Variants in CLTC observed in about 807,000 individuals in gnomAD.
CLTC encodes clathrin heavy chain 1.
A neutral mutation model predicts 195.8 loss-of-function variants in CLTC; 16 were observed. That is an observed-to-expected ratio of 0.08 (90% CI 0.06 to 0.12). The LOEUF (loss-of-function observed/expected upper bound fraction) is 0.12. Ranked by LOEUF, CLTC falls within the 10% of genes least tolerant of loss-of-function variation. The pLI is 1.00. For missense variants in CLTC, 796 were observed against 2,027.0 expected (o/e 0.39, Z 11.66); for synonymous variants, 667 against 689.4 (o/e 0.97, Z 0.51).
chr17:59,663,699 C>T (rs2032662125), intron 8 of CLTC, 143 bp from the exon 9 acceptor site: 1 of 621,352 alleles, frequency 1.6e-6, no homozygotes. Context: ...AGTCTACCAA[C>T]CACAACCCCT....
intron 1 of CLTC, among the ~76,000 whole-genome samples, chr17:59,633,587 A>G (rs975174806): frequency 7.2e-5 from 11 of 152,236 alleles, no homozygotes; most frequent in Admixed American, 3.9e-4. Context: ...AGTATGCCTT[A>G]AATGATTGAT....
Position 59,664,563 on chromosome 17 carries a change from A to AAAAAAG in CLTC, c.1522-220_1522-219insAGAAAA, listed in dbSNP as rs1555605158. 3 of 289,886 alleles carry AAAAAAG rather than the reference A, an allele frequency of 1.0e-5. No homozygotes were observed. In the African/African-American group the frequency reaches 1.2e-4, roughly 12 times the overall value. The allele number at this position is 289,886 out of a possible 1,614,324, so 18.0% of individuals were successfully genotyped here. ...AAGACCCTGTCTCAAAAAAAAAAAA[A>AAAAAAG]AAAAGAAAAGAAAAGAAAAGAAAAT... On this transcript the variant is annotated intron_variant, in intron 9 of 31. Transcript: ENST00000269122.
rs575660982 is a variant in CLTC at position 59,674,594 on chromosome 17, A to G, written c.2419-107A>G. ...ATTACTGAATTTAAAAACTGAACTT[A>G]AAGAAAAAAAAACTGAGCTTAAAAG... On this transcript the variant is annotated intron_variant, in intron 15 of 31. Coordinates refer to ENST00000269122, the MANE Select transcript of CLTC (RefSeq NM_004859.4). The G allele has an allele frequency of 2.2e-5, 23 of 1,061,086 alleles. No homozygotes were observed. The South Asian group carries it at 2.2e-4, about 10-fold the overall frequency. The allele number at this position is 1,061,086 out of a possible 1,614,324, so 65.7% of individuals were successfully genotyped here.
intron 5 of CLTC, among the ~76,000 whole-genome samples, chr17:59,654,151 A>G (rs1170689769): frequency 6.6e-6 from 1 of 151,424 alleles, no homozygotes; most frequent in Non-Finnish European, 1.5e-5. Context: ...GACACATACC[A>G]CTGCACCTGG....
In CLTC at chr17:59,683,542, TACTTTCTTCA is replaced by T; in HGVS notation, c.4191+7_4191+16del. On this transcript the variant is annotated splice_region_variant and intron_variant, in intron 26 of 31. Transcript: ENST00000269122. This position sits in a 1 kb window ranked among gnomAD's most constrained non-coding sequence, Gnocchi z 6.1. Reference sequence around the variant, plus strand: ...TCAAAGATATCATTACCAAGGTGTGTACTTTCTTCAGAAGATAAAGGATTCAGAAGGAGAA... The same window carrying T: ...TCAAAGATATCATTACCAAGGTGTGTGAAGATAAAGGATTCAGAAGGAGAA... 6.2e-7 allele frequency: 1 copy of T among 1,613,602 alleles called. No homozygotes were observed. Among genetic ancestry groups the T allele is most frequent in the Non-Finnish European group, 8.5e-7 (1 of 1,179,772 alleles).
rs763711587 is a variant in CLTC, at chr17:59,681,313, T to C, written c.3084T>C (p.Leu1028=). The C allele has an allele frequency of 3.1e-6, 5 of 1,612,468 alleles. No individual in the cohort carries two copies. The highest frequency in any genetic ancestry group is 3.4e-6 in the Non-Finnish European group (4 of 1,179,000). ...CTTAAAGGAATCTGCAAAACCTCCT[T>C]ATCCTCACTGCAATTAAGGCTGACC... is the stretch of plus-strand genomic sequence containing the variant. The part of the protein sequence containing the change: ...FSEHRNLQNL[L]ILTAIKADRT... Residue 1028 remains leucine, a synonymous_variant, in exon 20 of 32, where the codon CTT becomes CTC. Transcript: ENST00000269122. This position sits in a 1 kb window ranked among gnomAD's most constrained non-coding sequence, Gnocchi z 5.0.
Position 59,683,303 on chromosome 17 carries a change from A to G in CLTC, c.4041+41A>G. ...AACACAGTGAAGCAACTGTGTAGTT[A>G]AAACTAATGCTTCAAAATATCTTAT... On this transcript the variant is annotated intron_variant, in intron 25 of 31. Transcript: ENST00000269122. This position sits in a 1 kb window ranked among gnomAD's most constrained non-coding sequence, Gnocchi z 6.1. 6.2e-7 allele frequency: 1 copy of G among 1,606,064 alleles called. No homozygotes were observed. The highest frequency in any genetic ancestry group is 1.1e-5 in the South Asian group (1 of 90,652).
Position 59,682,618 on chromosome 17 carries a change from T to A in CLTC, c.3601-11T>A, listed in dbSNP as rs746962994. On this transcript the variant is annotated splice_polypyrimidine_tract_variant and intron_variant, in intron 22 of 31. Transcript: ENST00000269122. The surrounding 1 kb of genome is among the most constrained non-coding windows in gnomAD (Gnocchi z 6.8). The stretch of plus-strand genomic sequence containing the variant: ...TATCTTGCTGAATGTGGGTTACCTT[T>A]TTTTTTCCAGGTTGGTGACCGTTGT... The A allele has an allele frequency of 2.5e-6, 4 of 1,612,782 alleles. No homozygotes were observed. Among genetic ancestry groups the A allele is most frequent in the East Asian group, 2.2e-5 (1 of 44,862 alleles).
chr17:59,657,780 A>G (rs1252460446), intron 6 of CLTC, among the ~76,000 whole-genome samples: 1 of 151,692 alleles, frequency 6.6e-6, no homozygotes, highest in Non-Finnish European at 1.5e-5. Context: ...AAAAAAAAAA[A>G]AAAAGAAGGA....
intron 1 of CLTC, among the ~76,000 whole-genome samples, chr17:59,639,262 G>C (rs984632915): frequency 6.6e-6 from 1 of 152,174 alleles, no homozygotes; most frequent in East Asian, 1.9e-4. Context: ...TAATTGCTTA[G>C]GGGAGAAGGG....
In CLTC at chr17:59,666,820, C is replaced by G. The variant is rs374852546; in HGVS notation, c.1971C>G (p.Ser657=). 3.4e-5 allele frequency: 55 copies of G among 1,612,084 alleles called. No individual in the cohort carries two copies. Among genetic ancestry groups the G allele is most frequent in the Non-Finnish European group, 4.2e-5 (49 of 1,179,308 alleles). Reference sequence around the variant, plus strand: ...AGTGGTTAGTCAACTACTTTGGTTCCTTATCAGTAGAAGACTCCCTAGAAT... The same window carrying G: ...AGTGGTTAGTCAACTACTTTGGTTCGTTATCAGTAGAAGACTCCCTAGAAT... ...NPEWLVNYFG[S]LSVEDSLECL... is the part of the protein sequence containing the mutation. The change falls in exon 13 of 32, where the codon TCC becomes TCG. Residue 657 remains serine (S), a synonymous_variant. Transcript: ENST00000269122. This position sits in a 1 kb window ranked among gnomAD's most constrained non-coding sequence, Gnocchi z 4.9.
intron 17 of CLTC, among the ~76,000 whole-genome samples, chr17:59,678,795 G>A (rs1349362891): frequency 2.6e-5 from 4 of 152,092 alleles, no homozygotes; most frequent in Admixed American, 1.3e-4. Flanking sequence ...GAGCCCAGGA[G>A]TTTGAAACCA....
rs139119454 is a variant in CLTC, at chr17:59,666,737, A to G, written c.1948-60A>G. ...TGGTACTAAATATTAATAATTTCAT[A>G]CCACCATGAGGTTCAACATTATTTC... On this transcript the variant is annotated intron_variant, in intron 12 of 31. Transcript: ENST00000269122. The surrounding 1 kb of genome is among the most constrained non-coding windows in gnomAD (Gnocchi z 4.9). The G allele has an allele frequency of 1.3e-4, 197 of 1,560,562 alleles. No individual in the cohort carries two copies. Among genetic ancestry groups the G allele is most frequent in the Non-Finnish European group, 1.7e-4 (191 of 1,143,394 alleles).
At chr17:59,654,400 A>T (rs927421479) in intron 5 of CLTC, among the ~76,000 whole-genome samples, 9 of 149,804 alleles carry the variant, frequency 6.0e-5, no homozygotes, top group Non-Finnish European at 1.2e-4. Flanking sequence ...CTGGTCTCGA[A>T]CTCCTGACCT....
chr17:59,679,042 A>G (rs1025152442), intron 17 of CLTC, among the ~76,000 whole-genome samples: 19 of 152,168 alleles, frequency 1.2e-4, no homozygotes, highest in African/African-American at 4.3e-4. Flanking sequence ...GCTTTAGTGT[A>G]TTTGCTTCTA....
chr17:59,694,071 T>C lies in CLTC; in HGVS notation c.*219T>C. On this transcript the variant is annotated 3_prime_UTR_variant, in exon 32 of 32. Coordinates refer to ENST00000269122, the MANE Select transcript of CLTC (RefSeq NM_004859.4). ...AATTTATTTTCGAAGGGGAATAGTT[T>C]CAATGTTTTATTCACTTGGGCTTTT... is the stretch of plus-strand genomic sequence containing the variant. The C allele has an allele frequency of 2.6e-6, 1 of 384,386 alleles. No individual in the cohort carries two copies. The highest frequency in any genetic ancestry group is 4.7e-5 in the Admixed American group (1 of 21,192). The allele number at this position is 384,386 out of a possible 1,614,324, so 23.8% of individuals were successfully genotyped here. A position where few individuals can be genotyped will look rare whatever the true frequency, so the allele number is the denominator to read the frequency against.
chr17:59,626,356 AC>A lies in CLTC; in HGVS notation c.42+6184del, dbSNP rs559859480. Among the ~76,000 whole-genome samples, 3 of 152,288 alleles carry A rather than the reference AC, an allele frequency of 2.0e-5. No homozygotes were observed. In the East Asian group the frequency reaches 5.8e-4, roughly 29 times the overall value. ...CTCTGAAACTGCCCCCCAAAAAGAA[AC>A]TTTTAAATAAATCTTTTATTATGTT... is the stretch of plus-strand genomic sequence containing the variant. On this transcript the variant is annotated intron_variant, in intron 1 of 31. Transcript: ENST00000269122.
intron 1 of CLTC, among the ~76,000 whole-genome samples, chr17:59,636,932 C>CTTT (rs771908096): frequency 1.5e-3 from 155 of 103,654 alleles, no homozygotes; most frequent in Non-Finnish European, 2.4e-3. Context: ...CCGGCTAATT[C>CTTT]TTTTTTTTTT....
At chr17:59,631,309 T>C (rs918394202) in intron 1 of CLTC, among the ~76,000 whole-genome samples, 5 of 152,212 alleles carry the variant, frequency 3.3e-5, no homozygotes, top group African/African-American at 1.2e-4. Context: ...ACCTGTTACG[T>C]ATACTGAGTG....
Sources: allele counts gnomAD v4.1 joint callset (sites outside exome capture counted in the v4.1 genomes callset), GRCh38; gene constraint gnomAD v4.1.1; non-coding constraint Gnocchi (gnomAD v3.1); transcripts MANE v1.5; gene names NCBI Gene and HGNC (gene_info 2026-07-23, HGNC 2026-07-21).